The following PARD3B variants were observed in gnomAD, a reference collection of about 807,000 sequenced individuals.
The protein encoded by PARD3B is par-3 family cell polarity regulator beta, also known as partitioning defective 3 homolog B.
Under a neutral mutation model 130.2 loss-of-function variants are expected in PARD3B, and 103 were observed. That is an observed-to-expected ratio of 0.79 (90% CI 0.67 to 0.93). The LOEUF is 0.93. Among genes scored for constraint, PARD3B ranks in the 40% least tolerant of loss-of-function variants. The probability of loss-of-function intolerance (pLI) is 0.00; values close to 1 mark genes in which losing one functional copy is unlikely to be tolerated. For synonymous variants in PARD3B, 583 were observed against 553.2 expected (o/e 1.05, Z -0.76); for missense variants, 1,609 against 1,499.2 (o/e 1.07, Z -1.21).
At chr2:204,580,690 A>G (rs1203393777) in intron 1 of PARD3B, among the ~76,000 whole-genome samples, 3 of 152,168 alleles carry the variant, frequency 2.0e-5, no homozygotes, top group East Asian at 1.9e-4. Flanking sequence ...AAAATGTGCT[A>G]TATAAGTATT....
At chr2:204,838,108 T>C (rs928939642) in intron 2 of PARD3B, among the ~76,000 whole-genome samples, 10 of 152,320 alleles carry the variant, frequency 6.6e-5, no homozygotes, top group African/African-American at 2.4e-4. Flanking sequence ...AGTAAGATTC[T>C]AAAAACTGAC....
intron 2 of PARD3B, among the ~76,000 whole-genome samples, chr2:204,918,625 G>A (rs1420780333): frequency 7.5e-6 from 1 of 133,770 alleles, no homozygotes; most frequent in African/African-American, 2.9e-5. Context: ...GCGAGACTCC[G>A]TCTCAAAAAA....
Position 205,265,322 on chromosome 2 carries a change from A to G in PARD3B, c.2185+19500A>G, listed in dbSNP as rs566735666. Among the ~76,000 whole-genome samples the G allele has an allele frequency of 6.6e-6, 1 of 152,152 alleles. No individual in the cohort carries two copies. Among genetic ancestry groups the G allele is most frequent in the African/African-American group, 2.4e-5 (1 of 41,554 alleles). ...GATACATGGAATCGATGCACTTTCA[A>G]GTTGGCGGATCTGATCATCAGTCTC... On this transcript the variant is annotated intron_variant, in intron 16 of 22. Transcript: ENST00000406610. This position sits in a 1 kb window ranked among gnomAD's most constrained non-coding sequence, Gnocchi z 4.3.
rs141136632 is a variant in PARD3B, at chr2:205,041,292, G to A, written c.395-6289G>A. Reference sequence around the variant, plus strand: ...CATATCAAGACATTTTAGATTAAAAGCAAATAATTCTAACAGTCAGTGGGC... The same window carrying A: ...CATATCAAGACATTTTAGATTAAAAACAAATAATTCTAACAGTCAGTGGGC... On this transcript the variant is annotated intron_variant, in intron 3 of 22. Coordinates refer to ENST00000406610, the MANE Select transcript of PARD3B (RefSeq NM_001302769.2). Among the ~76,000 whole-genome samples the A allele has an allele frequency of 7.7e-3, 1,174 of 152,218 alleles. 7 individuals carry two copies. Among genetic ancestry groups the A allele is most frequent in the African/African-American group, 0.026 (1,079 of 41,532 alleles).
chr2:205,083,217 C>G (rs2125517898), intron 4 of PARD3B, among the ~76,000 whole-genome samples: 1 of 151,826 alleles, frequency 6.6e-6, no homozygotes, highest in East Asian at 1.9e-4. Context: ...CTGTGCCCAG[C>G]CAAAATACAT....
At position 205,556,689 on chromosome 2, in the gene PARD3B, G is replaced by A. The variant is rs377413280; in HGVS notation, c.3260+3286G>A. ...CGGAGTGTGGTTGTAATACAACCTCGTTAGTAAACACCAGACCTGTACCAG... is the reference window on the plus strand; with the variant it reads ...CGGAGTGTGGTTGTAATACAACCTCATTAGTAAACACCAGACCTGTACCAG... On this transcript the variant is annotated intron_variant, in intron 22 of 22. Coordinates refer to ENST00000406610, the MANE Select transcript of PARD3B (RefSeq NM_001302769.2). Among the ~76,000 whole-genome samples the A allele has an allele frequency of 7.2e-5, 11 of 152,228 alleles. 1 individual carries two copies. The highest frequency in any genetic ancestry group is 2.4e-4 in the African/African-American group (10 of 41,546).
chr2:205,121,663 T>C lies in PARD3B; in HGVS notation c.879T>C (p.Arg293=), dbSNP rs762922685. ...TCCACGTGCTTCCTCCACAAAACCG[T>C]GAACAGTATGAAAAGTCAGTCATTG... ...VLLHVLPPQN[R]EQYEKSVIGS... Residue 293 remains arginine, a synonymous_variant, in exon 8 of 23, where the codon CGT becomes CGC. Transcript: ENST00000406610. The surrounding 1 kb of genome is among the most constrained non-coding windows in gnomAD (Gnocchi z 5.0). The C allele has an allele frequency of 1.7e-5, 27 of 1,614,018 alleles. No homozygotes were observed. The highest frequency in any genetic ancestry group is 1.6e-4 in the Middle Eastern group (1 of 6,084).
At chr2:205,315,785 G>A (rs1332239297) in intron 18 of PARD3B, among the ~76,000 whole-genome samples, 4 of 152,118 alleles carry the variant, frequency 2.6e-5, no homozygotes, top group Non-Finnish European at 5.9e-5. Flanking sequence ...CACTTAGAAT[G>A]ACCGTCTTCC....
At chr2:205,126,752 CAAAAAAAAAAAAAAAAAAA>C (rs4045004) in intron 10 of PARD3B, among the ~76,000 whole-genome samples, 11 of 74,452 alleles carry the variant, frequency 1.5e-4, no homozygotes, top group South Asian at 5.9e-4. Flanking sequence ...GACTCCGTCT[CAAAAAAAAAAAAAAAAAAA>C]AAAAAAAAAA....
rs1336826081 is a variant in PARD3B at position 204,965,179 on chromosome 2, C to T, written c.250C>T (p.Pro84Ser). Residue 84 changes from proline to serine, a missense_variant, in exon 3 of 23, where the codon CCA (proline) becomes TCA (serine). By Grantham distance (74) the Pro-to-Ser change is moderately conservative. Coordinates refer to ENST00000406610, the MANE Select transcript of PARD3B (RefSeq NM_001302769.2). ...KLIAVFEEQE[P>S]LHKIESPSGN... ...GATTGCTGTGTTTGAAGAACAAGAA[C>T]CACTCCACAAGATTGAGAGCCCCAG... The T allele has an allele frequency of 6.2e-7, 1 of 1,613,680 alleles. No homozygotes were observed. The highest frequency in any genetic ancestry group is 1.1e-5 in the South Asian group (1 of 91,054).
chr2:204,854,468 G>C (rs189296584), intron 2 of PARD3B, among the ~76,000 whole-genome samples: 1 of 152,278 alleles, frequency 6.6e-6, no homozygotes, highest in East Asian at 1.9e-4. Context: ...TCTGTTGAAA[G>C]GTAATGATAA....
chr2:204,565,073 CA>C (rs1221568250), intron 1 of PARD3B, among the ~76,000 whole-genome samples: 1 of 152,154 alleles, frequency 6.6e-6, no homozygotes, highest in Non-Finnish European at 1.5e-5. Context: ...AGGTTGCTAG[CA>C]GAACGCTTTC....
At chr2:205,342,693 T>C (rs1391090412) in intron 18 of PARD3B, among the ~76,000 whole-genome samples, 5 of 152,140 alleles carry the variant, frequency 3.3e-5, no homozygotes, top group Non-Finnish European at 7.4e-5. Context: ...GTATTATTAG[T>C]GATGTTTTAG....
intron 21 of PARD3B, among the ~76,000 whole-genome samples, chr2:205,536,890 G>A (rs555668830): frequency 2.0e-5 from 3 of 152,224 alleles, no homozygotes; most frequent in South Asian, 4.1e-4. Flanking sequence ...TTTATAGATG[G>A]ACATGGCATT....
chr2:205,503,530 A>G (rs945645091), intron 21 of PARD3B, among the ~76,000 whole-genome samples: 2 of 151,758 alleles, frequency 1.3e-5, no homozygotes, highest in East Asian at 3.9e-4. Flanking sequence ...CCATTGGTCT[A>G]TATCTCTGTT....
chr2:204,731,011 A>G (rs1332974880), intron 2 of PARD3B, among the ~76,000 whole-genome samples: 1 of 152,208 alleles, frequency 6.6e-6, no homozygotes, highest in Non-Finnish European at 1.5e-5. Flanking sequence ...TAAGTGTAGC[A>G]GGAGGCAGAG....
intron 15 of PARD3B, among the ~76,000 whole-genome samples, chr2:205,205,128 G>A (rs1398643382): frequency 6.6e-6 from 1 of 152,042 alleles, no homozygotes; most frequent in Non-Finnish European, 1.5e-5. Flanking sequence ...ATTTCCTTGA[G>A]CAGTGGTTTG....
intron 3 of PARD3B, among the ~76,000 whole-genome samples, chr2:204,999,075 G>C (rs971563990): frequency 6.6e-6 from 1 of 151,080 alleles, no homozygotes; most frequent in Non-Finnish European, 1.5e-5. Context: ...TTTATGCATC[G>C]CTGGGTTCAG....
In PARD3B at chr2:205,543,714, T is replaced by C. The variant is rs374532900; in HGVS notation, c.3181-9610T>C. On this transcript the variant is annotated intron_variant, in intron 21 of 22. Coordinates refer to ENST00000406610, the MANE Select transcript of PARD3B (RefSeq NM_001302769.2). Reference sequence around the variant, plus strand: ...GTGTGAAATGAGGCAGAGATGGAAATGGTAGCACGATTGCAACTCATGATA... The same window carrying C: ...GTGTGAAATGAGGCAGAGATGGAAACGGTAGCACGATTGCAACTCATGATA... Among the ~76,000 whole-genome samples, 7 of 152,330 alleles carry C rather than the reference T, an allele frequency of 4.6e-5. 1 individual carries two copies. The highest frequency in any genetic ancestry group is 1.7e-4 in the African/African-American group (7 of 41,576).
Sources: gnomAD v4.1 joint callset for allele counts (sites outside exome capture counted in the v4.1 genomes callset) on GRCh38, gnomAD v4.1.1 for gene constraint, Gnocchi (gnomAD v3.1) non-coding constraint, MANE v1.5 for transcripts, NCBI Gene and HGNC (gene_info 2026-07-23, HGNC 2026-07-21) for gene names.